The following RABGAP1L variants were observed in gnomAD, a reference collection of about 807,000 sequenced individuals.
RABGAP1L encodes the protein rab GTPase-activating protein 1-like.
A neutral mutation model predicts 137.7 loss-of-function variants in RABGAP1L; 63 were observed. The observed-to-expected ratio is 0.46, with a 90% confidence interval of 0.37 to 0.56. RABGAP1L has a LOEUF of 0.56. RABGAP1L is among the 20% of genes least tolerant of loss of function. The pLI is 0.00. For missense variants in RABGAP1L, 1,095 were observed against 1,244.0 expected (o/e 0.88, Z 1.80); for synonymous variants, 431 against 433.7 (o/e 0.99, Z 0.08).
At chr1:174,442,655 G>A (rs374844569) in intron 13 of RABGAP1L, among the ~76,000 whole-genome samples, 227 of 152,194 alleles carry the variant, frequency 1.5e-3, no homozygotes, top group Middle Eastern at 3.4e-3. Flanking sequence ...TTTGATACAT[G>A]CATACAATGT....
At chr1:174,972,543 T>A (rs1670226621) in intron 21 of RABGAP1L, among the ~76,000 whole-genome samples, 1 of 152,194 alleles carries the variant, frequency 6.6e-6, no homozygotes, top group Non-Finnish European at 1.5e-5. Context: ...ATGACAGTGT[T>A]TCAATCTTAT....
intron 13 of RABGAP1L, among the ~76,000 whole-genome samples, chr1:174,514,229 A>G (rs899600572): frequency 7.5e-6 from 1 of 134,070 alleles, no homozygotes; most frequent in Non-Finnish European, 1.5e-5. Flanking sequence ...ATCATGAAGC[A>G]TGTGTTATAT....
In RABGAP1L at chr1:174,989,864, A is replaced by C. The variant is rs1201052116; in HGVS notation, c.3019A>C (p.Arg1007=). ...KCKIQELEHQ[R]GALMNEIQAA... ...CTTTAATTAGGAACTTGAACATCAG[A>C]GAGGAGCCCTTATGAATGAAATCCA... The change falls in exon 26 of 26, where the codon AGA becomes CGA. Residue 1007 remains arginine, a synonymous_variant. Transcript: ENST00000681986. 7 of 1,550,604 alleles carry C rather than the reference A, an allele frequency of 4.5e-6. No individual in the cohort carries two copies. Among genetic ancestry groups the C allele is most frequent in the Non-Finnish European group, 5.2e-6 (6 of 1,146,930 alleles).
chr1:174,978,721 A>G (rs1465516999), intron 22 of RABGAP1L, 86 bp from the exon 23 acceptor site: 2 of 1,370,902 alleles, frequency 1.5e-6, no homozygotes, highest in Non-Finnish European at 1.9e-6. Flanking sequence ...GTTACTGACT[A>G]TGAATCAGAC....
intron 10 of RABGAP1L, among the ~76,000 whole-genome samples, chr1:174,288,060 G>A (rs79024430): frequency 6.6e-6 from 1 of 152,080 alleles, no homozygotes; most frequent in East Asian, 1.9e-4. Flanking sequence ...GTTATTTTAA[G>A]CCAGTAACAA....
chr1:174,436,341 G>C (rs894570675), intron 13 of RABGAP1L, among the ~76,000 whole-genome samples: 3 of 152,092 alleles, frequency 2.0e-5, no homozygotes, highest in Non-Finnish European at 4.4e-5. Context: ...TTTAATGATC[G>C]CCATTCTAAC....
rs1286760410 is a variant in RABGAP1L at position 174,716,204 on chromosome 1, A to AGAATCCACCGATAGGGAG, written c.2169+13950_2169+13967dup. ...ATCTGTTGTTTGAATCCACATATGC[A>AGAATCCACCGATAGGGAG]GAATCCACCGATAGGGAGGGCAACT... On this transcript the variant is annotated intron_variant, in intron 17 of 25. Transcript: ENST00000681986. 2.6e-5 allele frequency among the ~76,000 whole-genome samples: 4 copies of AGAATCCACCGATAGGGAG among 152,318 alleles called. No homozygotes were observed. In the South Asian group the frequency reaches 8.3e-4, roughly 32 times the overall value.
rs922757141 is a variant in RABGAP1L at position 174,929,420 on chromosome 1, C to T, written c.2341-28037C>T. ...TCCTCAGTTAGGTAAAAAATATGAC[C>T]AATTTATCTGCTTTAATTAGTTAGA... On this transcript the variant is annotated intron_variant, in intron 19 of 25. Transcript: ENST00000681986. 1.2e-4 allele frequency among the ~76,000 whole-genome samples: 19 copies of T among 152,054 alleles called. 1 individual carries two copies. The highest frequency in any genetic ancestry group is 2.4e-4 in the Non-Finnish European group (16 of 68,000).
chr1:174,231,469 A>G, intron 4 of RABGAP1L, 114 bp downstream of exon 4: 1 of 939,026 alleles, frequency 1.1e-6, no homozygotes, highest in Non-Finnish European at 1.7e-6. Flanking sequence ...GTAGACATGC[A>G]GAGTAAACAT....
At chr1:174,504,746 A>T (rs570563503) in intron 13 of RABGAP1L, among the ~76,000 whole-genome samples, 13 of 152,352 alleles carry the variant, frequency 8.5e-5, no homozygotes, top group South Asian at 6.2e-4. Flanking sequence ...ACTTAAATGT[A>T]AAACCTGAAA....
At chr1:174,599,018 C>T (rs572547596) in intron 13 of RABGAP1L, among the ~76,000 whole-genome samples, 25 of 143,550 alleles carry the variant, frequency 1.7e-4, no homozygotes, top group African/African-American at 6.0e-4. Flanking sequence ...TCCCTTCCTT[C>T]CTTTTCCCGT....
intron 13 of RABGAP1L, among the ~76,000 whole-genome samples, chr1:174,451,509 C>T (rs1259701094): frequency 6.6e-6 from 1 of 152,150 alleles, no homozygotes; most frequent in African/African-American, 2.4e-5. Context: ...ATTTCCACTC[C>T]AGAGATAAGG....
intron 13 of RABGAP1L, among the ~76,000 whole-genome samples, chr1:174,543,691 G>T (rs541081265): frequency 2.0e-5 from 3 of 152,146 alleles, no homozygotes; most frequent in Non-Finnish European, 2.9e-5. Flanking sequence ...TCCTAGCCTC[G>T]ATGGTCTTTA....
intron 10 of RABGAP1L, among the ~76,000 whole-genome samples, chr1:174,289,099 A>G (rs899452158): frequency 1.3e-5 from 2 of 152,198 alleles, no homozygotes; most frequent in Non-Finnish European, 2.9e-5. Flanking sequence ...ATGCAGTGGC[A>G]CAATCATAGT....
At chr1:174,925,033 C>T (rs1264358540) in intron 19 of RABGAP1L, among the ~76,000 whole-genome samples, 1 of 152,030 alleles carries the variant, frequency 6.6e-6, no homozygotes, top group Admixed American at 6.6e-5. Flanking sequence ...GTGATCCATC[C>T]ACATGGCTAG....
chr1:174,798,410 A>C (rs1031297944), intron 18 of RABGAP1L, among the ~76,000 whole-genome samples: 8 of 152,138 alleles, frequency 5.3e-5, no homozygotes, highest in Middle Eastern at 3.2e-3. Flanking sequence ...TTCAAACAAA[A>C]AAAAAAAGAA....
chr1:174,762,807 CTTTTTT>C (rs71563260), intron 18 of RABGAP1L, among the ~76,000 whole-genome samples: 3 of 81,830 alleles, frequency 3.7e-5, no homozygotes, highest in Admixed American at 1.5e-4. Flanking sequence ...GTCTCCTTTG[CTTTTTT>C]TTTTTTTTTT....
rs533607128 is a variant in RABGAP1L, at chr1:174,610,674, G to A, written c.1711-26701G>A. Among the ~76,000 whole-genome samples the A allele has an allele frequency of 3.5e-3, 540 of 152,254 alleles. 5 individuals carry two copies. The highest frequency in any genetic ancestry group is 0.011 in the African/African-American group (464 of 41,546). ...GAACTAGATTACAGTCCCACCAACA[G>A]TGTAAAAGTATTCCTATTTCTCCAC... On this transcript the variant is annotated intron_variant, in intron 13 of 25. Transcript: ENST00000681986.
chr1:174,292,506 G>A (rs1321763301), intron 10 of RABGAP1L, among the ~76,000 whole-genome samples: 2 of 150,794 alleles, frequency 1.3e-5, no homozygotes, highest in African/African-American at 4.9e-5. Context: ...TATTTCTTTT[G>A]TGTCCTATGG....
Sources: gnomAD v4.1 joint callset for allele counts (sites outside exome capture counted in the v4.1 genomes callset) on GRCh38, gnomAD v4.1.1 for gene constraint, MANE v1.5 for transcripts, NCBI Gene and HGNC (gene_info 2026-07-23, HGNC 2026-07-21) for gene names.